The following COL4A2 variants were observed in gnomAD, a reference collection of about 807,000 sequenced individuals.
The protein encoded by COL4A2 is collagen type IV alpha 2 chain, also known as collagen alpha-2(IV) chain.
Under a neutral mutation model 200.2 loss-of-function variants are expected in COL4A2, and 99 were observed. That is an observed-to-expected ratio of 0.49 (90% CI 0.42 to 0.58). The LOEUF (loss-of-function observed/expected upper bound fraction) is 0.58, where lower values mean the gene tolerates loss of function less well. Among genes scored for constraint, COL4A2 ranks in the 20% least tolerant of loss-of-function variants. The probability of loss-of-function intolerance (pLI) is 0.00; values close to 1 mark genes in which losing one functional copy is unlikely to be tolerated. For missense variants in COL4A2, 1,950 were observed against 2,314.1 expected (o/e 0.84, Z 3.23); for synonymous variants, 897 against 900.6 (o/e 1.00, Z 0.07).
intron 4 of COL4A2, among the ~76,000 whole-genome samples, chr13:110,369,404 A>T (rs1399456078): frequency 6.6e-6 from 1 of 152,172 alleles, no homozygotes; most frequent in Admixed American, 6.5e-5. Flanking sequence ...TTGCTCAACC[A>T]GTAAGTATGT....
intron 36 of COL4A2, 96 bp from the exon 37 acceptor site, chr13:110,491,137 C>A: frequency 1.3e-6 from 1 of 795,340 alleles, no homozygotes; most frequent in Non-Finnish European, 2.2e-6. Context: ...CCTGAAGGAG[C>A]AGCAGTGTGG....
intron 17 of COL4A2, 57 bp from the exon 18 acceptor site, chr13:110,446,741 T>C: frequency 4.1e-6 from 6 of 1,467,808 alleles, no homozygotes; most frequent in Non-Finnish European, 5.7e-6. Flanking sequence ...ATATGTGTAC[T>C]GTCAAAAACT....
Position 110,429,377 on chromosome 13 carries a change from A to G in COL4A2, c.478-508A>G, listed in dbSNP as rs570913180. 211 of 153,718 alleles carry G rather than the reference A, an allele frequency of 1.4e-3. 1 individual carries two copies. The highest frequency in any genetic ancestry group is 3.4e-3 in the Middle Eastern group (1 of 294). The allele number at this position is 153,718 out of a possible 1,614,324, so 9.5% of individuals were successfully genotyped here. On this transcript the variant is annotated intron_variant, in intron 7 of 47. Coordinates refer to ENST00000360467, the MANE Select transcript of COL4A2 (RefSeq NM_001846.4). ...AATTTCATTATCAAGAAACATATCT[A>G]TTACTTTAAGTGATTCTTATAGTAG...
intron 40 of COL4A2, among the ~76,000 whole-genome samples, chr13:110,499,733 C>T (rs944319463): frequency 1.3e-5 from 2 of 152,180 alleles, no homozygotes; most frequent in African/African-American, 2.4e-5. Context: ...GAAATCATAG[C>T]GGTTTCCGTC....
chr13:110,462,813 G>T (rs992928201), intron 24 of COL4A2, among the ~76,000 whole-genome samples: 4 of 151,940 alleles, frequency 2.6e-5, no homozygotes, highest in African/African-American at 9.7e-5. Context: ...ATTTCCTCAG[G>T]GGAGGCTGGG....
chr13:110,500,804 T>G (rs1328049269), intron 40 of COL4A2, among the ~76,000 whole-genome samples: 1 of 152,226 alleles, frequency 6.6e-6, no homozygotes, highest in Non-Finnish European at 1.5e-5. Flanking sequence ...ACAGTCAACA[T>G]GCACTCACTC....
In COL4A2 at chr13:110,385,753, A is replaced by G. The variant is rs1266958709; in HGVS notation, c.180+28201A>G. 1.6e-4 allele frequency among the ~76,000 whole-genome samples: 10 copies of G among 63,444 alleles called. 1 individual carries two copies. The highest frequency in any genetic ancestry group is 0.012 in the Middle Eastern group (1 of 82). The allele number at this position is 63,444 out of a possible 152,430, so 41.6% of individuals were successfully genotyped here. Reference sequence around the variant, plus strand: ...TAGGCCGTGGTTGCAGTGCGTGGATAGGCCGTGGTTGCAGTGCGTGGATAG... The same window carrying G: ...TAGGCCGTGGTTGCAGTGCGTGGATGGGCCGTGGTTGCAGTGCGTGGATAG... On this transcript the variant is annotated intron_variant, in intron 4 of 47. Coordinates refer to ENST00000360467, the MANE Select transcript of COL4A2 (RefSeq NM_001846.4).
At chr13:110,402,298 G>A (rs1879398365) in intron 4 of COL4A2, among the ~76,000 whole-genome samples, 2 of 152,198 alleles carry the variant, frequency 1.3e-5, no homozygotes, top group South Asian at 4.1e-4. Flanking sequence ...TACAATGGTG[G>A]GACAGGCATA....
intron 4 of COL4A2, among the ~76,000 whole-genome samples, chr13:110,377,665 C>T (rs1878293228): frequency 6.6e-6 from 1 of 152,236 alleles, no homozygotes; most frequent in Admixed American, 6.5e-5. Context: ...AACTCCTCCC[C>T]CGCCTTCATA....
intron 46 of COL4A2, among the ~76,000 whole-genome samples, chr13:110,506,956 A>G (rs1165567180): frequency 6.6e-6 from 1 of 152,216 alleles, no homozygotes; most frequent in Admixed American, 6.5e-5. Context: ...ACTTGGAGTC[A>G]GGCAGGGGCC....
At chr13:110,375,329 C>T (rs1169166839) in intron 4 of COL4A2, among the ~76,000 whole-genome samples, 1 of 152,198 alleles carries the variant, frequency 6.6e-6, no homozygotes, top group East Asian at 1.9e-4. Context: ...AGCGCAGTGC[C>T]TGTCACAGTG....
Position 110,428,588 on chromosome 13 carries a change from G to T in COL4A2, c.477+5G>T. On this transcript the variant is annotated splice_donor_5th_base_variant and intron_variant, in intron 7 of 47. Coordinates refer to ENST00000360467, the MANE Select transcript of COL4A2 (RefSeq NM_001846.4). ...GAGGGGTTCACCGGGCCTCCCGTGA[G>T]TATCCCCACAGCGCCTGTGCTCCAG... The T allele has an allele frequency of 6.7e-7, 1 of 1,494,712 alleles. No homozygotes were observed. The highest frequency in any genetic ancestry group is 9.0e-7 in the Non-Finnish European group (1 of 1,113,312). The allele number at this position is 1,494,712 out of a possible 1,614,324, so 92.6% of individuals were successfully genotyped here.
chr13:110,398,915 A>ATAT (rs1879276521), intron 4 of COL4A2, among the ~76,000 whole-genome samples: 1 of 151,890 alleles, frequency 6.6e-6, no homozygotes. Context: ...CCTTACTTAT[A>ATAT]TATAACTGTA....
intron 4 of COL4A2, among the ~76,000 whole-genome samples, chr13:110,407,409 G>A (rs894997183): frequency 6.6e-6 from 1 of 152,178 alleles, no homozygotes; most frequent in Non-Finnish European, 1.5e-5. Context: ...CCATGGATGC[G>A]GGGCTCCAGC....
chr13:110,507,683 GATCC>G, intron 46 of COL4A2: 1 of 574,732 alleles, frequency 1.7e-6, no homozygotes, highest in South Asian at 2.2e-5. Flanking sequence ...ACTCCCTGGT[GATCC>G]AACTTGGCCC....
intron 4 of COL4A2, among the ~76,000 whole-genome samples, chr13:110,418,102 C>G (rs1022411732): frequency 2.0e-5 from 3 of 152,182 alleles, no homozygotes; most frequent in African/African-American, 7.2e-5. Context: ...AGTTATATCT[C>G]TCTGTGGATT....
At chr13:110,338,635 G>A (rs1246589180) in intron 3 of COL4A2, among the ~76,000 whole-genome samples, 8 of 152,232 alleles carry the variant, frequency 5.3e-5, no homozygotes, top group South Asian at 2.1e-4. Context: ...GGGGAGAAAC[G>A]TGCAAGGCAG....
chr13:110,374,194 A>G (rs946573666), intron 4 of COL4A2, among the ~76,000 whole-genome samples: 2 of 152,190 alleles, frequency 1.3e-5, no homozygotes, highest in South Asian at 2.1e-4. Context: ...GGAGCACTTT[A>G]CATCCATTCA....
At chr13:110,472,090 G>A (rs552973744) in intron 28 of COL4A2, among the ~76,000 whole-genome samples, 1 of 149,936 alleles carries the variant, frequency 6.7e-6, no homozygotes, top group Non-Finnish European at 1.5e-5. Flanking sequence ...ATCCGCAGAT[G>A]GGACTTGATG....
Sources: allele counts gnomAD v4.1 joint callset (sites outside exome capture counted in the v4.1 genomes callset), GRCh38; gene constraint gnomAD v4.1.1; transcripts MANE v1.5; gene names NCBI Gene and HGNC (gene_info 2026-07-23, HGNC 2026-07-21).